Variants in TRIM48 observed in about 807,000 individuals in gnomAD.
The protein encoded by TRIM48 is E3 ubiquitin-protein ligase TRIM48.
TRIM48 carries 31 observed loss-of-function variants against 29.5 expected under a neutral mutation model. That is an observed-to-expected ratio of 1.05 (90% CI 0.79 to 1.42). The LOEUF (loss-of-function observed/expected upper bound fraction) is 1.42, where lower values mean the gene tolerates loss of function less well. TRIM48 is among the 40% of genes most tolerant of loss of function. The pLI, the probability that TRIM48 is intolerant of heterozygous loss-of-function variation, is 0.00. For synonymous variants in TRIM48, 128 were observed against 90.6 expected (o/e 1.41, Z -2.34); for missense variants, 344 against 265.0 (o/e 1.30, Z -2.07).
Position 55,270,564 on chromosome 11 carries a change from T to A in TRIM48, c.*129T>A. On this transcript the variant is annotated 3_prime_UTR_variant, in exon 6 of 6. Transcript: ENST00000417545. ...TCACTGCAACACCTACAAGTTTTCT[T>A]GCATGGGGTGCTCAGACTTTCACCT... 1 of 1,583,622 alleles carries A rather than the reference T, an allele frequency of 6.3e-7. No homozygotes were observed. Among genetic ancestry groups the A allele is most frequent in the Non-Finnish European group, 8.6e-7 (1 of 1,165,836 alleles).
At chr11:55,270,410 C>T (rs1857463777) in intron 5 of TRIM48, 27 bp from the exon 6 acceptor site, 12 of 1,398,972 alleles carry the variant, frequency 8.6e-6, no homozygotes, top group South Asian at 1.5e-5. Flanking sequence ...TTCTTTCTTT[C>T]TATTTATTTA....
At chr11:55,263,967 G>T (rs768581309) in intron 1 of TRIM48, among the ~76,000 whole-genome samples, 3 of 152,002 alleles carry the variant, frequency 2.0e-5, no homozygotes, top group Non-Finnish European at 4.4e-5. Context: ...TCAAACTGAG[G>T]GATGATGGTC....
rs1346977250 is a variant in TRIM48 at position 55,269,366 on chromosome 11, C to T, written c.*1+27C>T. 10 of 1,565,638 alleles carry T rather than the reference C, an allele frequency of 6.4e-6. 2 individuals are homozygous for T. The highest frequency in any genetic ancestry group is 7.8e-6 in the Non-Finnish European group (9 of 1,161,148). ...TAAGTCTCCACCCACAGGCAGCACC[C>T]CCACTATCTAAATATTATTATTGTT... On this transcript the variant is annotated intron_variant, in intron 5 of 5. Coordinates refer to ENST00000417545, the MANE Select transcript of TRIM48 (RefSeq NM_024114.5).
Position 55,270,664 on chromosome 11 carries a change from A to G in TRIM48, c.*229A>G. On this transcript the variant is annotated 3_prime_UTR_variant, in exon 6 of 6. Coordinates refer to ENST00000417545, the MANE Select transcript of TRIM48 (RefSeq NM_024114.5). ...TTTTGGTGTCTGTAATAAGTATTGGAAAGGGAAGAATCAGAATGGCAATAT... is the reference window on the plus strand; with the variant it reads ...TTTTGGTGTCTGTAATAAGTATTGGGAAGGGAAGAATCAGAATGGCAATAT... 1 of 1,577,756 alleles carries G rather than the reference A, an allele frequency of 6.3e-7. No individual in the cohort carries two copies. The highest frequency in any genetic ancestry group is 8.6e-7 in the Non-Finnish European group (1 of 1,160,872).
chr11:55,264,178 G>A (rs1034034606), intron 1 of TRIM48, among the ~76,000 whole-genome samples: 2 of 123,450 alleles, frequency 1.6e-5, no homozygotes, highest in South Asian at 3.7e-4. Context: ...TCAGAGTTTG[G>A]GTATCCCTAG....
intron 1 of TRIM48, 72 bp downstream of exon 1, chr11:55,262,383 T>C: frequency 9.5e-7 from 1 of 1,057,164 alleles, no homozygotes. Context: ...GTGTTAAAAA[T>C]ATCTCATTAT....
Position 55,269,111 on chromosome 11 carries a change from G to A in TRIM48, c.579-131G>A. 3.7e-6 allele frequency: 5 copies of A among 1,347,808 alleles called. 1 individual carries two copies. Among genetic ancestry groups the A allele is most frequent in the South Asian group, 1.5e-5 (1 of 68,394 alleles). 83.5% of individuals were successfully genotyped at this position (1,347,808 alleles called of 1,614,324 possible). On this transcript the variant is annotated intron_variant, in intron 4 of 5. Transcript: ENST00000417545. The stretch of plus-strand genomic sequence containing the variant: ...TGTAAATAGAAATTAATTCCAAAAA[G>A]GAAGGAATAATTTTTGAATTATCAA...
At chr11:55,268,273 T>C in intron 3 of TRIM48, 77 bp from the exon 4 acceptor site, 1 of 1,281,350 alleles carries the variant, frequency 7.8e-7, no homozygotes, top group Non-Finnish European at 1.1e-6. Flanking sequence ...AGGAACTGAC[T>C]CCAAATTTCA....
At chr11:55,270,073 G>A (rs936997759) in intron 5 of TRIM48, among the ~76,000 whole-genome samples, 1 of 147,976 alleles carries the variant, frequency 6.8e-6, no homozygotes, top group Non-Finnish European at 1.5e-5. Flanking sequence ...CAAAATGATG[G>A]CACTAGTTTT....
chr11:55,270,357 C>A (rs750126820), intron 5 of TRIM48, 80 bp from the exon 6 acceptor site: 2 of 1,186,914 alleles, frequency 1.7e-6, no homozygotes, highest in Non-Finnish European at 2.3e-6. Flanking sequence ...TTTGATAGAA[C>A]GATTTTTGCT....
Position 55,270,468 on chromosome 11 carries a change from C to A in TRIM48, c.*33C>A. On this transcript the variant is annotated 3_prime_UTR_variant, in exon 6 of 6. Coordinates refer to ENST00000417545, the MANE Select transcript of TRIM48 (RefSeq NM_024114.5). ...TTACTCTGCATCACAATGAAGCCAA[C>A]AGTCATATCTTCCGATGTGGAGATT... The A allele has an allele frequency of 2.6e-6, 4 of 1,546,552 alleles. 1 individual carries two copies. The highest frequency in any genetic ancestry group is 1.8e-6 in the Non-Finnish European group (2 of 1,138,532).
chr11:55,270,571 G>T lies in TRIM48; in HGVS notation c.*136G>T. The T allele has an allele frequency of 6.3e-7, 1 of 1,583,486 alleles. No homozygotes were observed. Among genetic ancestry groups the T allele is most frequent in the South Asian group, 1.2e-5 (1 of 83,674 alleles). ...AACACCTACAAGTTTTCTTGCATGG[G>T]GTGCTCAGACTTTCACCTCTGGCAA... On this transcript the variant is annotated 3_prime_UTR_variant, in exon 6 of 6. Transcript: ENST00000417545.
At position 55,262,223 on chromosome 11, in the gene TRIM48, C is replaced by T; in HGVS notation, c.-45C>T. ...TTTTGGTGACCTCTGAAACTCAGTA[C>T]TGCAGCGAATGAGCTCCTGACCTTG... On this transcript the variant is annotated 5_prime_UTR_variant, in exon 1 of 6. Transcript: ENST00000417545. 6.0e-6 allele frequency: 9 copies of T among 1,499,880 alleles called. No homozygotes were observed. The highest frequency in any genetic ancestry group is 8.2e-6 in the Non-Finnish European group (9 of 1,101,832). The allele number at this position is 1,499,880 out of a possible 1,614,324, so 92.9% of individuals were successfully genotyped here. A position where few individuals can be genotyped will look rare whatever the true frequency, so the allele number is the denominator to read the frequency against.
intron 3 of TRIM48, chr11:55,267,385 G>T (rs1857409649): frequency 4.5e-6 from 7 of 1,566,866 alleles, no homozygotes; most frequent in South Asian, 1.2e-5. Context: ...TTTCTCTTTT[G>T]ACTAACCCAT....
At position 55,262,260 on chromosome 11, in the gene TRIM48, A is replaced by G; in HGVS notation, c.-8A>G. 1 of 1,548,808 alleles carries G rather than the reference A, an allele frequency of 6.5e-7. No individual in the cohort carries two copies. On this transcript the variant is annotated 5_prime_UTR_variant, in exon 1 of 6. Coordinates refer to ENST00000417545, the MANE Select transcript of TRIM48 (RefSeq NM_024114.5). ...AGCTCCTGACCTTGAGGAGTACTTAACAGAATTATGTCTCGAAGAATCATT... is the reference window on the plus strand; with the variant it reads ...AGCTCCTGACCTTGAGGAGTACTTAGCAGAATTATGTCTCGAAGAATCATT...
chr11:55,269,451 G>A, intron 5 of TRIM48, 112 bp downstream of exon 5: 3 of 1,358,050 alleles, frequency 2.2e-6, no homozygotes, highest in Non-Finnish European at 3.0e-6. Context: ...ATAAGCATAA[G>A]AGAACAATAT....
chr11:55,268,036 T>A (rs992920070), intron 3 of TRIM48, among the ~76,000 whole-genome samples: 1 of 147,886 alleles, frequency 6.8e-6, no homozygotes, highest in African/African-American at 2.5e-5. Context: ...TGGGATCCAC[T>A]CATTTGGATA....
At position 55,265,639 on chromosome 11, in the gene TRIM48, G is replaced by T. The variant is rs538887088; in HGVS notation, c.499G>T (p.Ala167Ser). The T allele has an allele frequency of 5.0e-5, 79 of 1,581,728 alleles. 4 individuals are homozygous for T. Among genetic ancestry groups the T allele is most frequent in the Non-Finnish European group, 7.7e-6 (9 of 1,165,430 alleles). The change falls in exon 3 of 6, where the codon GCT (alanine) becomes TCT (serine). Residue 167 changes from alanine to serine, a missense_variant. Transcript: ENST00000417545. Reference protein sequence around the residue: ...LKKMQSLWEKACENQRNLNVE... With the variant: ...LKKMQSLWEKSCENQRNLNVE... ...GAAAATGCAGTCTTTATGGGAAAAA[G>T]CTTGTGAAAATCAGAGAAACCTGAA...
rs180808520 is a variant in TRIM48, at chr11:55,271,034, G to T, written c.*599G>T. 25,879 of 1,393,982 alleles carry T rather than the reference G, an allele frequency of 0.019. 2,046 individuals carry two copies. Among genetic ancestry groups the T allele is most frequent in the Non-Finnish European group, 0.023 (23,525 of 1,043,786 alleles). The allele number at this position is 1,393,982 out of a possible 1,614,324, so 86.4% of individuals were successfully genotyped here. On this transcript the variant is annotated 3_prime_UTR_variant, in exon 6 of 6. Coordinates refer to ENST00000417545, the MANE Select transcript of TRIM48 (RefSeq NM_024114.5). The stretch of plus-strand genomic sequence containing the variant: ...CTTATCAAACAGGACAAATAGGTTC[G>T]GTTTTATGTCTTGAATTGCATTCTA...
Sources: gnomAD v4.1 joint callset for allele counts (sites outside exome capture counted in the v4.1 genomes callset) on GRCh38, gnomAD v4.1.1 for gene constraint, MANE v1.5 for transcripts, NCBI Gene and HGNC (gene_info 2026-07-23, HGNC 2026-07-21) for gene names.